MAP3K15: variants seen among roughly 807,000 people sequenced by gnomAD.
MAP3K15 encodes mitogen-activated protein kinase kinase kinase 15, also known as MAPK/ERK kinase kinase 15.
Under a neutral mutation model 99.5 loss-of-function variants are expected in MAP3K15, and 124 were observed. That is an observed-to-expected ratio of 1.25 (90% CI 1.08 to 1.45). The LOEUF is 1.45. Among genes scored for constraint, MAP3K15 ranks in the 40% most tolerant of loss-of-function variants. The pLI, the probability that MAP3K15 is intolerant of heterozygous loss-of-function variation, is 0.00. For missense variants in MAP3K15, 1,242 were observed against 1,079.7 expected (o/e 1.15, Z -2.11); for synonymous variants, 494 against 439.6 (o/e 1.12, Z -1.55).
At chrX:19,369,744 G>T (rs182439427) in intron 24 of MAP3K15, among the ~76,000 whole-genome samples, 19 of 108,900 alleles carry the variant, frequency 1.7e-4, no homozygotes, top group African/African-American at 6.6e-4. Flanking sequence ...GTGAAACCCC[G>T]TCTCTACTAA....
chrX:19,504,436 AC>A (rs1253888305), intron 1 of MAP3K15, among the ~76,000 whole-genome samples: 1 of 111,282 alleles, frequency 9.0e-6, no homozygotes, highest in Non-Finnish European at 1.9e-5. Flanking sequence ...ATGTGGAAGA[AC>A]ATATGGATGT....
chrX:19,514,531 G>A (rs1477459155), intron 1 of MAP3K15, among the ~76,000 whole-genome samples: 1 of 44,150 alleles, frequency 2.3e-5, no homozygotes. Context: ...CAGGGGGTGA[G>A]AGGATAGGAG....
At position 19,370,990 on chromosome X, in the gene MAP3K15, C is replaced by T. The variant is rs367742905; in HGVS notation, c.3369G>A (p.Ala1123=). The change falls in exon 24 of 29, where the codon GCG becomes GCA. Residue 1123 remains alanine, a synonymous_variant. Coordinates refer to ENST00000338883, the MANE Select transcript of MAP3K15 (RefSeq NM_001001671.4). ...MFAMDNIIRR[A]VQAAVTILIP... is the part of the protein sequence containing the mutation. ...TGAGAATGGTGACCGCGGCCTGCAC[C>T]GCTCGGCGGATGATGTTGTCCATCG... The T allele has an allele frequency of 3.7e-5, 43 of 1,173,430 alleles. No individual in the cohort carries two copies. The highest frequency in any genetic ancestry group is 1.4e-4 in the Admixed American group (5 of 35,592).
intron 18 of MAP3K15, among the ~76,000 whole-genome samples, chrX:19,385,698 C>T (rs1252638864): frequency 2.7e-5 from 3 of 111,419 alleles, no homozygotes; most frequent in Non-Finnish European, 5.6e-5. Flanking sequence ...AACTGAGGTT[C>T]AGAGAGGCTA....
At chrX:19,455,024 T>C (rs1027934309) in intron 6 of MAP3K15, among the ~76,000 whole-genome samples, 2 of 111,853 alleles carry the variant, frequency 1.8e-5, no homozygotes, top group Admixed American at 1.9e-4. Context: ...AACTTAAGCC[T>C]AAAGCAAAAA....
At chrX:19,449,808 T>C (rs779002282) in intron 6 of MAP3K15, among the ~76,000 whole-genome samples, 23 of 110,037 alleles carry the variant, frequency 2.1e-4, no homozygotes, top group African/African-American at 6.5e-4. Flanking sequence ...AAAGCACTTC[T>C]ATAAATTTCT....
intron 2 of MAP3K15, among the ~76,000 whole-genome samples, 164 bp from the exon 3 acceptor site, chrX:19,486,669 C>T (rs1326038473): frequency 9.0e-6 from 1 of 111,326 alleles, no homozygotes; most frequent in Non-Finnish European, 1.9e-5. Flanking sequence ...CCTCCCTCTC[C>T]AAAAGCTTCA....
intron 6 of MAP3K15, among the ~76,000 whole-genome samples, chrX:19,432,339 G>C (rs1192360065): frequency 9.0e-6 from 1 of 110,601 alleles, no homozygotes; most frequent in Non-Finnish European, 1.9e-5. Context: ...CAAGGCGGGT[G>C]GATCACTTAA....
intron 3 of MAP3K15, chrX:19,481,780 G>C (rs1328468262): frequency 1.8e-5 from 2 of 111,834 alleles, no homozygotes; most frequent in Non-Finnish European, 3.8e-5. Flanking sequence ...ATGATATCAA[G>C]TATTGGCAAG....
rs775667080 is a variant in MAP3K15, at chrX:19,488,915, G to A, written c.414C>T (p.Tyr138=). 1.7e-6 allele frequency: 2 copies of A among 1,196,576 alleles called. No homozygotes were observed. Among genetic ancestry groups the A allele is most frequent in the East Asian group, 3.0e-5 (1 of 33,710 alleles). Residue 138 remains tyrosine (Y), a synonymous_variant, in exon 2 of 29, where the codon TAC becomes TAT. Transcript: ENST00000338883. ...CAAAGCTTTCTCGGACTCCAAGATG[G>A]TAGAAGAGGGAAGGCTGTCTGGAGA... The part of the protein sequence containing the change: ...SDVSRQPSLF[Y]HLGVRESFDM...
At chrX:19,493,182 A>T (rs2064379163) in intron 1 of MAP3K15, among the ~76,000 whole-genome samples, 1 of 109,811 alleles carries the variant, frequency 9.1e-6, no homozygotes, top group African/African-American at 3.3e-5. Flanking sequence ...GGCAACCTTG[A>T]ACGTGGCAGA....
At chrX:19,472,788 G>A (rs2064216909) in intron 3 of MAP3K15, among the ~76,000 whole-genome samples, 1 of 112,130 alleles carries the variant, frequency 8.9e-6, no homozygotes, top group African/African-American at 3.2e-5. Context: ...TCTTACAACT[G>A]TCTCCAAAAC....
At chrX:19,511,744 G>T (rs1015308554) in intron 1 of MAP3K15, among the ~76,000 whole-genome samples, 1 of 111,937 alleles carries the variant, frequency 8.9e-6, no homozygotes, top group Admixed American at 9.5e-5. Flanking sequence ...TTCAACCATT[G>T]TGAAAGACAG....
intron 6 of MAP3K15, among the ~76,000 whole-genome samples, chrX:19,433,897 G>A (rs1569224202): frequency 9.0e-6 from 1 of 111,340 alleles, no homozygotes; most frequent in Non-Finnish European, 1.9e-5. Context: ...TCCATTAACG[G>A]AAGAACAGCA....
intron 3 of MAP3K15, among the ~76,000 whole-genome samples, chrX:19,480,496 C>T (rs1267055527): frequency 9.1e-6 from 1 of 109,510 alleles, no homozygotes; most frequent in Non-Finnish European, 1.9e-5. Context: ...AAACAAAAAA[C>T]AAAGAAAAAT....
At position 19,362,733 on chromosome X, in the gene MAP3K15, C is replaced by T; in HGVS notation, c.3679+5G>A. 9.5e-7 allele frequency: 1 copy of T among 1,051,719 alleles called. No individual in the cohort carries two copies. Among genetic ancestry groups the T allele is most frequent in the Non-Finnish European group, 1.3e-6 (1 of 758,128 alleles). The allele number at this position is 1,051,719 out of a possible 1,213,427, so 86.7% of individuals were successfully genotyped here. A position where few individuals can be genotyped will look rare whatever the true frequency, so the allele number is the denominator to read the frequency against. ...TAAAGTCTGTCTCATTGGAAAATGA[C>T]TTACAATTCGATTTTAATTTTAACT... On this transcript the variant is annotated splice_donor_5th_base_variant and intron_variant, in intron 26 of 28. Coordinates refer to ENST00000338883, the MANE Select transcript of MAP3K15 (RefSeq NM_001001671.4).
intron 3 of MAP3K15, among the ~76,000 whole-genome samples, chrX:19,480,358 A>G (rs1487899960): frequency 1.8e-5 from 2 of 111,325 alleles, no homozygotes; most frequent in Non-Finnish European, 3.8e-5. Context: ...AAGTTAGAGG[A>G]TTCGCACTTC....
intron 4 of MAP3K15, among the ~76,000 whole-genome samples, chrX:19,460,536 A>G (rs774075501): frequency 9.0e-6 from 1 of 110,591 alleles, no homozygotes; most frequent in South Asian, 3.8e-4. Flanking sequence ...GAGCTCCAAA[A>G]CCCATGAAAC....
chrX:19,465,610 C>T (rs1394423548), intron 3 of MAP3K15, among the ~76,000 whole-genome samples: 5 of 106,134 alleles, frequency 4.7e-5, no homozygotes, highest in African/African-American at 1.4e-4. Flanking sequence ...AAAAATTAAC[C>T]GGGTGTGGTA....
Sources: allele counts gnomAD v4.1 joint callset (sites outside exome capture counted in the v4.1 genomes callset), GRCh38; gene constraint gnomAD v4.1.1; transcripts MANE v1.5; gene names NCBI Gene and HGNC (gene_info 2026-07-23, HGNC 2026-07-21).